Variants in WWC2 observed in about 807,000 individuals in gnomAD.
WWC2 encodes WW and C2 domain containing 2.
WWC2 carries 101 observed loss-of-function variants against 138.5 expected under a neutral mutation model. The observed-to-expected ratio is 0.73, with a 90% CI of 0.62 to 0.86. The LOEUF (loss-of-function observed/expected upper bound fraction) is 0.86, where lower values mean the gene tolerates loss of function less well. Ranked by LOEUF, WWC2 falls within the 40% of genes least tolerant of loss-of-function variation. WWC2 has a pLI of 0.00. For synonymous variants in WWC2, 558 were observed against 538.4 expected (o/e 1.04, Z -0.50); for missense variants, 1,420 against 1,419.4 (o/e 1.00, Z -0.01).
intron 1 of WWC2, among the ~76,000 whole-genome samples, chr4:183,131,453 A>G (rs1455512884): frequency 6.6e-6 from 1 of 152,030 alleles, no homozygotes. Context: ...ATATTTTTGT[A>G]TGTTTATAGG....
chr4:183,226,970 C>T (rs1409655580), intron 4 of WWC2, among the ~76,000 whole-genome samples: 1 of 152,008 alleles, frequency 6.6e-6, no homozygotes, highest in South Asian at 2.1e-4. Context: ...AAGCTAGGTG[C>T]ATATTCCCTT....
chr4:183,104,036 T>A (rs1335562397), intron 1 of WWC2, among the ~76,000 whole-genome samples: 1 of 151,696 alleles, frequency 6.6e-6, no homozygotes, highest in East Asian at 1.9e-4. Context: ...GTTGGCTCAC[T>A]GCAGCCTCCA....
chr4:183,230,789 A>G (rs1684004616), intron 4 of WWC2, among the ~76,000 whole-genome samples: 1 of 151,600 alleles, frequency 6.6e-6, no homozygotes, highest in Admixed American at 6.5e-5. Flanking sequence ...GCATTGACTC[A>G]AAAGTAAGAA....
At chr4:183,262,734 G>T (rs1355210457) in intron 11 of WWC2, among the ~76,000 whole-genome samples, 1 of 152,206 alleles carries the variant, frequency 6.6e-6, no homozygotes, top group East Asian at 1.9e-4. Flanking sequence ...AGAAAGCCGC[G>T]TGGGGCCTTC....
At chr4:183,209,299 C>T (rs1045968770) in intron 4 of WWC2, among the ~76,000 whole-genome samples, 64 of 152,220 alleles carry the variant, frequency 4.2e-4, no homozygotes, top group South Asian at 1.7e-3. Context: ...CCCAGGCTAG[C>T]GCACTGCAAT....
chr4:183,222,383 C>G (rs753293011), intron 4 of WWC2, among the ~76,000 whole-genome samples: 2 of 151,620 alleles, frequency 1.3e-5, no homozygotes, highest in Non-Finnish European at 2.9e-5. Context: ...TCTATGATAG[C>G]CATTCATAAT....
At chr4:183,255,133 G>A (rs1244091798) in intron 9 of WWC2, among the ~76,000 whole-genome samples, 3 of 152,166 alleles carry the variant, frequency 2.0e-5, no homozygotes, top group African/African-American at 4.8e-5. Flanking sequence ...ACATGAAAAC[G>A]TATCAAAAGG....
intron 16 of WWC2, among the ~76,000 whole-genome samples, chr4:183,277,330 G>A (rs1247594126): frequency 1.2e-4 from 18 of 151,106 alleles, no homozygotes; most frequent in South Asian, 4.2e-4. Context: ...TTATGGCTGC[G>A]TAGTATTCCA....
chr4:183,262,011 G>A (rs903717496), intron 11 of WWC2, among the ~76,000 whole-genome samples: 3 of 152,120 alleles, frequency 2.0e-5, no homozygotes, highest in South Asian at 2.1e-4. Context: ...CTTTTCTGGC[G>A]AAAAGTTAAT....
In WWC2 at chr4:183,193,615, T is replaced by C; in HGVS notation, c.148T>C (p.Ser50Pro). The change falls in exon 2 of 23, where the codon TCA (serine) becomes CCA (proline). Residue 50 changes from serine to proline, a missense_variant. Coordinates refer to ENST00000403733, the MANE Select transcript of WWC2 (RefSeq NM_024949.6). ...DPRDRLTKPLSFADCVGDELP... is the reference protein window; with the variant it reads ...DPRDRLTKPLPFADCVGDELP... ...TTGTTGTAGGTTAACGAAGCCCTTG[T>C]CATTTGCTGATTGTGTTGGGGATGA... 1 of 1,613,944 alleles carries C rather than the reference T, an allele frequency of 6.2e-7. No homozygotes were observed. The highest frequency in any genetic ancestry group is 1.6e-4 in the Middle Eastern group (1 of 6,062).
At chr4:183,313,498 G>T (rs1739332926) in intron 22 of WWC2, among the ~76,000 whole-genome samples, 1 of 152,044 alleles carries the variant, frequency 6.6e-6, no homozygotes, top group Non-Finnish European at 1.5e-5. Context: ...TGGGGAGGAT[G>T]CTGACCTCTG....
At chr4:183,247,154 G>A (rs1224321407) in intron 6 of WWC2, among the ~76,000 whole-genome samples, 1 of 152,038 alleles carries the variant, frequency 6.6e-6, no homozygotes, top group African/African-American at 2.4e-5. Context: ...ACACAATTGT[G>A]TGTACCTATA....
chr4:183,308,906 G>T (rs1231865390), intron 21 of WWC2, among the ~76,000 whole-genome samples: 1 of 152,056 alleles, frequency 6.6e-6, no homozygotes, highest in Non-Finnish European at 1.5e-5. Flanking sequence ...CATGGATGTG[G>T]ATCCCACAGA....
At chr4:183,217,471 C>T (rs1263118325) in intron 4 of WWC2, among the ~76,000 whole-genome samples, 1 of 151,478 alleles carries the variant, frequency 6.6e-6, no homozygotes, top group African/African-American at 2.4e-5. Context: ...ATATGATCCA[C>T]AACAAAAAGA....
chr4:183,265,618 T>C (rs1017876624), intron 12 of WWC2, 70 bp from the exon 13 acceptor site: 2 of 1,460,852 alleles, frequency 1.4e-6, no homozygotes, highest in Non-Finnish European at 1.9e-6. Flanking sequence ...AATCACTAAG[T>C]GGCAAACTGT....
intron 8 of WWC2, among the ~76,000 whole-genome samples, chr4:183,250,426 CT>C (rs1341602569): frequency 7.9e-5 from 12 of 152,252 alleles, no homozygotes; most frequent in African/African-American, 2.9e-4. Context: ...GGAAGTCTTA[CT>C]GCTAATGTCC....
intron 1 of WWC2, among the ~76,000 whole-genome samples, chr4:183,146,651 G>C (rs1733469713): frequency 6.6e-6 from 1 of 152,212 alleles, no homozygotes; most frequent in Admixed American, 6.5e-5. Flanking sequence ...TACAGCCTGG[G>C]TGGACACTAA....
At chr4:183,203,139 T>G (rs929356865) in intron 2 of WWC2, among the ~76,000 whole-genome samples, 5 of 152,062 alleles carry the variant, frequency 3.3e-5, no homozygotes, top group Non-Finnish European at 7.4e-5. Flanking sequence ...AGTATTCGTA[T>G]TCTTATAACT....
intron 1 of WWC2, among the ~76,000 whole-genome samples, chr4:183,118,969 T>C (rs936044): frequency 0.98 from 148,381 of 152,016 alleles, 72,509 homozygotes; most frequent in Non-Finnish European, 1. Context: ...AACACTTTAC[T>C]TCATTCTTAA....
Sources: gnomAD v4.1 joint callset for allele counts (sites outside exome capture counted in the v4.1 genomes callset) on GRCh38, gnomAD v4.1.1 for gene constraint, MANE v1.5 for transcripts, NCBI Gene and HGNC (gene_info 2026-07-23, HGNC 2026-07-21) for gene names.